PRR14L: variants seen among roughly 807,000 people sequenced by gnomAD.
PRR14L encodes proline rich 14 like, also known as protein PRR14L.
PRR14L carries 80 observed loss-of-function variants against 155.0 expected under a neutral mutation model. The ratio of observed to expected loss-of-function variants is 0.52; its 90% CI spans 0.43 to 0.62. The LOEUF is 0.62. Among genes scored for constraint, PRR14L ranks in the 20% least tolerant of loss-of-function variants. PRR14L has a pLI of 0.00. For missense variants in PRR14L, 2,469 were observed against 2,548.0 expected, an observed-to-expected ratio of 0.97 and a Z score of 0.67; for synonymous variants, 883 against 916.0, an observed-to-expected ratio of 0.96 and a Z score of 0.65.
chr22:31,712,823 T>C lies in PRR14L; in HGVS notation c.5016A>G (p.Pro1672=), dbSNP rs760733247. 1.4e-5 allele frequency: 22 copies of C among 1,552,038 alleles called. No homozygotes were observed. Among genetic ancestry groups the C allele is most frequent in the Admixed American group, 3.9e-5 (2 of 50,984 alleles). ...GFSSSTEQLN[P]YLAASGWDKR... Reference sequence around the variant, plus strand: ...TATCCCATCCACTAGCTGCCAAATATGGATTCAGCTGCTCTGTGCTGGATG... The same window carrying C: ...TATCCCATCCACTAGCTGCCAAATACGGATTCAGCTGCTCTGTGCTGGATG... Residue 1672 remains proline, a synonymous_variant, in exon 4 of 9, where the codon CCA becomes CCG. Coordinates refer to ENST00000327423, the MANE Select transcript of PRR14L (RefSeq NM_173566.3).
At chr22:31,722,987 C>T (rs1324743385) in intron 3 of PRR14L, among the ~76,000 whole-genome samples, 1 of 152,184 alleles carries the variant, frequency 6.6e-6, no homozygotes, top group African/African-American at 2.4e-5. Flanking sequence ...GCTCCCAGGG[C>T]TCAACATCTT....
intron 4 of PRR14L, among the ~76,000 whole-genome samples, chr22:31,711,665 TC>T (rs1283837640): frequency 1.4e-5 from 2 of 147,126 alleles, no homozygotes; most frequent in Non-Finnish European, 3.0e-5. Context: ...ATGCCTGTAA[TC>T]CCAGCTACTC....
Position 31,716,999 on chromosome 22 carries a change from C to T in PRR14L, c.840G>A (p.Trp280Ter). ...TGGCACTGTTTCCTGGTAATGACAA[C>T]CAAGGACAACTTTTTAATTCTTCAC... ...KECEELKSCP[W>*]LSLPGNSAIS... Residue 280 changes from tryptophan (W) to a stop codon, truncating the protein, a stop_gained, in exon 4 of 9, where the codon TGG becomes TGA. Coordinates refer to ENST00000327423, the MANE Select transcript of PRR14L (RefSeq NM_173566.3). LOFTEE classifies it high-confidence loss of function. 1 of 1,551,680 alleles carries T rather than the reference C, an allele frequency of 6.4e-7. No individual in the cohort carries two copies. Among genetic ancestry groups the T allele is most frequent in the South Asian group, 1.2e-5 (1 of 84,062 alleles).
rs531735190 is a variant in PRR14L, at chr22:31,732,360, C to G, written c.474+6027G>C. On this transcript the variant is annotated intron_variant, in intron 2 of 8. Transcript: ENST00000327423. Reference sequence around the variant, plus strand: ...CTAGAGTTTGGGAGTTTCCACCATTCCCTAAACAGGAGTGTCTCACTGTGC... The same window carrying G: ...CTAGAGTTTGGGAGTTTCCACCATTGCCTAAACAGGAGTGTCTCACTGTGC... 2.3e-4 allele frequency among the ~76,000 whole-genome samples: 35 copies of G among 152,294 alleles called. 1 individual carries two copies. The highest frequency in any genetic ancestry group is 8.2e-4 in the African/African-American group (34 of 41,574).
Position 31,725,610 on chromosome 22 carries a change from C to T in PRR14L, c.475G>A (p.Glu159Lys). Residue 159 changes from glutamate (E) to lysine (K), a missense_variant and splice_region_variant, in exon 3 of 9, where the codon GAG (glutamate) becomes AAG (lysine). Coordinates refer to ENST00000327423, the MANE Select transcript of PRR14L (RefSeq NM_173566.3). ...AAEEKTSPSQEDLLMQSSKEL... is the reference protein window; with the variant it reads ...AAEEKTSPSQKDLLMQSSKEL... ...TTGCTGGACTGCATCAGGAGATCCT[C>T]CTACAGTAAGAAAATCCAGTGGTCA... is the stretch of plus-strand genomic sequence containing the variant. The T allele has an allele frequency of 6.5e-7, 1 of 1,546,638 alleles. No homozygotes were observed. The highest frequency in any genetic ancestry group is 1.4e-5 in the African/African-American group (1 of 73,048).
intron 8 of PRR14L, 57 bp downstream of exon 8, chr22:31,688,099 G>C: frequency 1.3e-6 from 2 of 1,501,058 alleles, no homozygotes; most frequent in Non-Finnish European, 1.8e-6. Flanking sequence ...AAGGGCTGGA[G>C]ATTCACATCA....
chr22:31,737,193 G>A (rs28556978), intron 2 of PRR14L, among the ~76,000 whole-genome samples: 2,264 of 152,110 alleles, frequency 0.015, 57 homozygotes, highest in African/African-American at 0.053. Flanking sequence ...AGAATTTGGA[G>A]GGCCCAGCAG....
intron 4 of PRR14L, among the ~76,000 whole-genome samples, chr22:31,707,595 C>G (rs1393610581): frequency 6.6e-6 from 1 of 152,016 alleles, no homozygotes; most frequent in Admixed American, 6.6e-5. Context: ...CCATGTTAGC[C>G]AGGATGGTCT....
intron 2 of PRR14L, among the ~76,000 whole-genome samples, chr22:31,736,299 T>G (rs549531017): frequency 1.3e-4 from 19 of 150,396 alleles, no homozygotes; most frequent in Non-Finnish European, 2.5e-4. Flanking sequence ...AGCAGGAGAA[T>G]TGCTTGAACC....
intron 3 of PRR14L, among the ~76,000 whole-genome samples, chr22:31,718,145 C>A (rs1359835444): frequency 1.3e-5 from 2 of 152,066 alleles, no homozygotes; most frequent in Non-Finnish European, 2.9e-5. Context: ...CCAGGCTGGT[C>A]TCGAACTCCT....
At chr22:31,733,974 TTTTC>T (rs1339012590) in intron 2 of PRR14L, among the ~76,000 whole-genome samples, 2 of 151,996 alleles carry the variant, frequency 1.3e-5, no homozygotes, top group East Asian at 1.9e-4. Context: ...CTTCCCATTT[TTTTC>T]TTTTTCTTTT....
intron 2 of PRR14L, among the ~76,000 whole-genome samples, chr22:31,729,023 T>C (rs867256891): frequency 3.2e-4 from 48 of 152,182 alleles, no homozygotes; most frequent in African/African-American, 1.1e-3. Flanking sequence ...TCCACATCCT[T>C]GCTAGTAACC....
rs763783337 is a variant in PRR14L, at chr22:31,717,225, T to A, written c.614A>T (p.Asn205Ile). 6.4e-7 allele frequency: 1 copy of A among 1,551,950 alleles called. No individual in the cohort carries two copies. The highest frequency in any genetic ancestry group is 2.4e-5 in the East Asian group (1 of 40,926). ...TTCATTATTATCCGTCTTAGTCCCATTGACCTTCATACCTTGTACTTCGGC... is the reference window on the plus strand; with the variant it reads ...TTCATTATTATCCGTCTTAGTCCCAATGACCTTCATACCTTGTACTTCGGC... ...KSAEVQGMKVNGTKTDNNEGH... is the reference protein window; with the variant it reads ...KSAEVQGMKVIGTKTDNNEGH... Residue 205 changes from asparagine (N) to isoleucine (I), a missense_variant, in exon 4 of 9, where the codon AAT (asparagine) becomes ATT (isoleucine). Coordinates refer to ENST00000327423, the MANE Select transcript of PRR14L (RefSeq NM_173566.3).
chr22:31,715,983 T>C lies in PRR14L; in HGVS notation c.1856A>G (p.Asp619Gly), dbSNP rs1056699143. ...SEKVIQTSHD[D>G]IPLLDEQSIA... ...GCTCTGTTCATCTAAAAGTGGAATA[T>C]CATCATGTGAGGTCTGTATAACTTT... is the stretch of plus-strand genomic sequence containing the variant. The change falls in exon 4 of 9, where the codon GAT becomes GGT. Residue 619 changes from aspartate to glycine, a missense_variant. Physicochemically the swap from Asp to Gly is moderately conservative, Grantham distance 94 (BLOSUM62 -1). Around this residue, in one of 2 missense-constraint regions of PRR14L, gnomAD observed 2,363 missense variants for 2,371.6 expected, o/e 1.00. Transcript: ENST00000327423. 4 of 1,551,516 alleles carry C rather than the reference T, an allele frequency of 2.6e-6. No homozygotes were observed. The highest frequency in any genetic ancestry group is 3.5e-6 in the Non-Finnish European group (4 of 1,146,972).
intron 2 of PRR14L, among the ~76,000 whole-genome samples, chr22:31,730,134 A>G (rs1311943531): frequency 1.3e-5 from 2 of 148,692 alleles, no homozygotes; most frequent in East Asian, 2.0e-4. Context: ...AATGAGACTC[A>G]GTCTAAAAAA....
At chr22:31,687,075 T>C (rs2074485816) in intron 8 of PRR14L, among the ~76,000 whole-genome samples, 1 of 152,236 alleles carries the variant, frequency 6.6e-6, no homozygotes, top group Non-Finnish European at 1.5e-5. Context: ...TTCGCTCTTG[T>C]TGCCCAGGCT....
intron 7 of PRR14L, among the ~76,000 whole-genome samples, chr22:31,696,719 A>G (rs984813832): frequency 6.6e-6 from 1 of 152,242 alleles, no homozygotes; most frequent in Non-Finnish European, 1.5e-5. Context: ...CATTTTGCTA[A>G]GCCCTTTCCA....
chr22:31,727,351 A>G (rs2074722083), intron 2 of PRR14L, among the ~76,000 whole-genome samples: 1 of 150,796 alleles, frequency 6.6e-6, no homozygotes, highest in South Asian at 2.1e-4. Context: ...CTCCTGCCTC[A>G]GCCTCCTGAG....
chr22:31,697,173 G>A (rs1342048431), intron 7 of PRR14L, among the ~76,000 whole-genome samples: 1 of 151,492 alleles, frequency 6.6e-6, no homozygotes, highest in African/African-American at 2.4e-5. Context: ...ATGGTGGCAG[G>A]TGCCTGTAAT....
Sources: gnomAD v4.1 joint callset for allele counts (sites outside exome capture counted in the v4.1 genomes callset) on GRCh38, gnomAD v4.1.1 for gene constraint, gnomAD v4.1.1 regional missense constraint, MANE v1.5 for transcripts, NCBI Gene and HGNC (gene_info 2026-07-23, HGNC 2026-07-21) for gene names.